Variants in CAST observed in about 807,000 individuals in gnomAD.
CAST encodes the protein MIR583 host.
CAST carries 76 observed loss-of-function variants against 119.6 expected under a neutral mutation model. The ratio of observed to expected loss-of-function variants is 0.64; its 90% CI spans 0.53 to 0.77. The LOEUF (loss-of-function observed/expected upper bound fraction) is 0.77, where lower values mean the gene tolerates loss of function less well. CAST is among the 30% of genes least tolerant of loss of function. CAST has a pLI of 0.00. For synonymous variants in CAST, 319 were observed against 331.6 expected (o/e 0.96, Z 0.41); for missense variants, 953 against 946.5 (o/e 1.01, Z -0.09).
chr5:96,773,632 T>C lies in CAST; in HGVS notation c.*1016T>C, dbSNP rs1373087976. ...ATATATATTAAATTTGAAACCTGCA[T>C]TTCTCCCACAGCAATGTAAGAAGTA... On this transcript the variant is annotated 3_prime_UTR_variant, in exon 32 of 32. Transcript: ENST00000675179. 6.6e-6 allele frequency: 1 copy of C among 152,104 alleles called. No individual in the cohort carries two copies. The highest frequency in any genetic ancestry group is 1.5e-5 in the Non-Finnish European group (1 of 68,006). 9.4% of individuals were successfully genotyped at this position (152,104 alleles called of 1,614,324 possible). A position where few individuals can be genotyped will look rare whatever the true frequency, so the allele number is the denominator to read the frequency against.
chr5:96,741,633 C>A, intron 15 of CAST, 53 bp downstream of exon 15: 1 of 1,225,578 alleles, frequency 8.2e-7, no homozygotes, highest in Non-Finnish European at 1.2e-6. Context: ...TGATCTAGCT[C>A]ATTCAGGAAA....
chr5:96,522,638 T>C (rs1745536790), upstream of CAST, among the ~76,000 whole-genome samples: 1 of 152,330 alleles, frequency 6.6e-6, no homozygotes, highest in African/African-American at 2.4e-5. Context: ...CTTTCTCTAG[T>C]GCTGACCCCC....
At chr5:96,739,654 C>G (rs1405777373) in intron 11 of CAST, among the ~76,000 whole-genome samples, 1 of 152,148 alleles carries the variant, frequency 6.6e-6, no homozygotes, top group Non-Finnish European at 1.5e-5. Flanking sequence ...GACATCCACT[C>G]TATGATTTTG....
At chr5:96,290,912 CAGTG>C in the CAST span, among the ~76,000 whole-genome samples, 1 of 152,144 alleles carries the variant, frequency 6.6e-6, no homozygotes, top group African/African-American at 2.4e-5. Flanking sequence ...GGGGAAATGA[CAGTG>C]AGCAACTTCT....
At chr5:96,261,864 G>C in the CAST span, among the ~76,000 whole-genome samples, 1 of 152,178 alleles carries the variant, frequency 6.6e-6, no homozygotes, top group Non-Finnish European at 1.5e-5. Flanking sequence ...TCCAAAGGGG[G>C]AGAAAACGAA....
the CAST span, among the ~76,000 whole-genome samples, chr5:96,155,398 C>A: frequency 6.6e-6 from 1 of 152,184 alleles, no homozygotes; most frequent in African/African-American, 2.4e-5. Context: ...ACCTTCATAA[C>A]AAATTCAGCC....
At chr5:96,242,497 T>A in the CAST span, among the ~76,000 whole-genome samples, 1 of 152,208 alleles carries the variant, frequency 6.6e-6, no homozygotes, top group Admixed American at 6.5e-5. Context: ...GTGTTTGCTC[T>A]CTGCTGTCAT....
At chr5:96,472,826 G>A in the CAST span, among the ~76,000 whole-genome samples, 3 of 152,310 alleles carry the variant, frequency 2.0e-5, no homozygotes, top group East Asian at 5.8e-4. Context: ...TACCAAGTGG[G>A]TCTGACTTAG....
chr5:96,569,629 T>C (rs1006883421), intron 1 of CAST, among the ~76,000 whole-genome samples: 2 of 152,204 alleles, frequency 1.3e-5, no homozygotes, highest in Admixed American at 1.3e-4. Flanking sequence ...GATTCTCAGT[T>C]TCTTTTGTCT....
upstream of CAST, chr5:96,525,241 A>G (rs2150176000): frequency 6.6e-6 from 1 of 152,318 alleles, no homozygotes; most frequent in South Asian, 2.1e-4. Context: ...TACAGTACTT[A>G]GAAACCAGAT....
the CAST span, among the ~76,000 whole-genome samples, chr5:96,449,444 A>G: frequency 6.6e-6 from 1 of 152,124 alleles, no homozygotes; most frequent in East Asian, 1.9e-4. Flanking sequence ...GAAAAATTTC[A>G]TTCTGAAACC....
chr5:96,438,658 A>C, the CAST span, among the ~76,000 whole-genome samples: 1 of 152,192 alleles, frequency 6.6e-6, no homozygotes, highest in Non-Finnish European at 1.5e-5. Flanking sequence ...GACTTGTATC[A>C]GGAGGTACAT....
At chr5:96,040,802 T>A in the CAST span, among the ~76,000 whole-genome samples, 3 of 152,234 alleles carry the variant, frequency 2.0e-5, no homozygotes, top group African/African-American at 7.2e-5. Context: ...TTTGCATCGA[T>A]GTTCATCAGG....
intron 2 of CAST, among the ~76,000 whole-genome samples, chr5:96,684,552 T>C (rs1353177836): frequency 6.6e-6 from 1 of 151,580 alleles, no homozygotes; most frequent in African/African-American, 2.4e-5. Flanking sequence ...ACTAAAGACC[T>C]CTGCATCACT....
the CAST span, among the ~76,000 whole-genome samples, chr5:96,126,774 A>G: frequency 2.0e-5 from 3 of 152,258 alleles, no homozygotes; most frequent in South Asian, 6.2e-4. Flanking sequence ...TTTAATCTCT[A>G]TAATAGCGTT....
At chr5:96,425,048 G>GAAAGAAAGAAAGAAAGAAAGAA in the CAST span, among the ~76,000 whole-genome samples, 1 of 123,866 alleles carries the variant, frequency 8.1e-6, no homozygotes, top group African/African-American at 2.9e-5. Context: ...AAGAAAGAAA[G>GAAAGAAAGAAAGAAAGAAAGAA]AAAGAAAGAA....
At chr5:96,063,360 G>A in the CAST span, among the ~76,000 whole-genome samples, 49 of 152,266 alleles carry the variant, frequency 3.2e-4, no homozygotes, top group African/African-American at 1.1e-3. Context: ...GACTTGGGTG[G>A]TCCAAGTCAG....
chr5:96,536,590 G>A (rs1470352198), intron 1 of CAST, among the ~76,000 whole-genome samples: 1 of 152,130 alleles, frequency 6.6e-6, no homozygotes, highest in Non-Finnish European at 1.5e-5. Context: ...AAAGAGTAAG[G>A]TACAGGTATG....
the CAST span, among the ~76,000 whole-genome samples, chr5:96,509,069 T>G: frequency 6.6e-6 from 1 of 152,222 alleles, no homozygotes; most frequent in Non-Finnish European, 1.5e-5. Flanking sequence ...AGGTGTAAAA[T>G]TATCTTTCAA....
Sources: allele counts gnomAD v4.1 joint callset (sites outside exome capture counted in the v4.1 genomes callset), GRCh38; gene constraint gnomAD v4.1.1; transcripts MANE v1.5; gene names NCBI Gene and HGNC (gene_info 2026-07-23, HGNC 2026-07-21).